PTPRQ: variants seen among roughly 807,000 people sequenced by gnomAD.
PTPRQ encodes protein tyrosine phosphatase receptor type Q.
Under a neutral mutation model 246.0 loss-of-function variants are expected in PTPRQ, and 199 were observed. The ratio of observed to expected loss-of-function variants is 0.81; its 90% CI spans 0.72 to 0.91. The LOEUF (loss-of-function observed/expected upper bound fraction) is 0.91, where lower values mean the gene tolerates loss of function less well. Ranked by LOEUF, PTPRQ falls within the 40% of genes least tolerant of loss-of-function variation. The pLI is 0.00. For missense variants in PTPRQ, 2,624 were observed against 2,528.4 expected, an observed-to-expected ratio of 1.04 and a Z score of -0.81; for synonymous variants, 869 against 853.2, an observed-to-expected ratio of 1.02 and a Z score of -0.32.
chr12:80,586,673 C>T (rs986161015), intron 25 of PTPRQ: 5 of 152,146 alleles, frequency 3.3e-5, no homozygotes, highest in Non-Finnish European at 7.3e-5. Flanking sequence ...TCTTCTTTTT[C>T]TCCGCAACTC....
Position 80,658,054 on chromosome 12 carries a change from A to G in PTPRQ, c.6185A>G (p.Tyr2062Cys), listed in dbSNP as rs2121249419. The change falls in exon 39 of 45, where the codon TAT becomes TGT. Residue 2062 changes from tyrosine (Y) to cysteine (C), a missense_variant. Coordinates refer to ENST00000644991, the MANE Select transcript of PTPRQ (RefSeq NM_001145026.2). ...GGTTCGGATTATATTAATGCCAGCT[A>G]TATTTCTGTAAGTTACTATTTTATA... ...VPGSDYINAS[Y>C]ISGYLCPNEF... 1 of 1,386,516 alleles carries G rather than the reference A, an allele frequency of 7.2e-7. No individual in the cohort carries two copies. The highest frequency in any genetic ancestry group is 9.5e-7 in the Non-Finnish European group (1 of 1,056,230). 85.9% of individuals were successfully genotyped at this position (1,386,516 alleles called of 1,614,324 possible). A position where few individuals can be genotyped will look rare whatever the true frequency, so the allele number is the denominator to read the frequency against.
At chr12:80,675,789 G>A (rs1177963216) in intron 43 of PTPRQ, among the ~76,000 whole-genome samples, 4 of 152,142 alleles carry the variant, frequency 2.6e-5, no homozygotes, top group African/African-American at 9.7e-5. Flanking sequence ...ATTTAGGGGT[G>A]GGGCAGGGAT....
At chr12:80,557,284 G>A (rs1896672406) in intron 25 of PTPRQ, among the ~76,000 whole-genome samples, 1 of 151,740 alleles carries the variant, frequency 6.6e-6, no homozygotes. Context: ...GCCCTTGAAC[G>A]TCCTTCCTCC....
intron 25 of PTPRQ, among the ~76,000 whole-genome samples, chr12:80,566,072 C>G (rs987584839): frequency 6.6e-6 from 1 of 152,070 alleles, no homozygotes; most frequent in African/African-American, 2.4e-5. Flanking sequence ...GTCTAGATAC[C>G]TTTTTATGCA....
At chr12:80,582,028 C>CTCGT (rs1256098156) in intron 25 of PTPRQ, among the ~76,000 whole-genome samples, 2 of 152,094 alleles carry the variant, frequency 1.3e-5, no homozygotes, top group African/African-American at 4.8e-5. Flanking sequence ...TATGTTTTAC[C>CTCGT]TAGCAACGAT....
chr12:80,603,496 C>T (rs1351132345), intron 26 of PTPRQ, among the ~76,000 whole-genome samples: 1 of 151,622 alleles, frequency 6.6e-6, no homozygotes, highest in African/African-American at 2.4e-5. Flanking sequence ...ATACTGGTCT[C>T]TCTGTGATAG....
chr12:80,460,516 C>T, intron 5 of PTPRQ, 137 bp from the exon 6 acceptor site: 1 of 392,228 alleles, frequency 2.5e-6, no homozygotes, highest in East Asian at 3.6e-5. Context: ...TAAAATCTAG[C>T]AAATTTGTCT....
chr12:80,498,175 T>A (rs899606652), intron 14 of PTPRQ, among the ~76,000 whole-genome samples: 1 of 152,052 alleles, frequency 6.6e-6, no homozygotes, highest in Non-Finnish European at 1.5e-5. Context: ...GAAATAAGTA[T>A]TTTTGAGAAA....
intron 32 of PTPRQ, among the ~76,000 whole-genome samples, chr12:80,621,446 T>G (rs1023230732): frequency 6.6e-6 from 1 of 151,960 alleles, no homozygotes; most frequent in African/African-American, 2.4e-5. Context: ...CCCTTGTGCC[T>G]TTATTTTTAA....
Position 80,542,767 on chromosome 12 carries a change from C to G in PTPRQ, c.3759C>G (p.Asn1253Lys). The change falls in exon 23 of 45, where the codon AAC becomes AAG. Residue 1253 changes from asparagine (N) to lysine (K), a missense_variant. Transcript: ENST00000644991. Reference sequence around the variant, plus strand: ...CTCCACAAAATTTGACTTTAATCAACTGTACTTCAGACTTTGTATGGCTGA... The same window carrying G: ...CTCCACAAAATTTGACTTTAATCAAGTGTACTTCAGACTTTGTATGGCTGA... The part of the protein sequence containing the change: ...LAPPQNLTLI[N>K]CTSDFVWLKW... 1 of 1,548,958 alleles carries G rather than the reference C, an allele frequency of 6.5e-7. No individual in the cohort carries two copies. The highest frequency in any genetic ancestry group is 8.7e-7 in the Non-Finnish European group (1 of 1,145,932).
At position 80,484,428 on chromosome 12, in the gene PTPRQ, C is replaced by G. The variant is rs1164651281; in HGVS notation, c.1187-5C>G. The G allele has an allele frequency of 6.6e-7, 1 of 1,507,272 alleles. No homozygotes were observed. Among genetic ancestry groups the G allele is most frequent in the South Asian group, 1.3e-5 (1 of 76,224 alleles). The allele number at this position is 1,507,272 out of a possible 1,614,324, so 93.4% of individuals were successfully genotyped here. A position where few individuals can be genotyped will look rare whatever the true frequency, so the allele number is the denominator to read the frequency against. Reference sequence around the variant, plus strand: ...TTTTCTTTTCTTTCTTTCTTTCTTTCTTAGTTCCAGGGGCAGTGTTTGATT... The same window carrying G: ...TTTTCTTTTCTTTCTTTCTTTCTTTGTTAGTTCCAGGGGCAGTGTTTGATT... On this transcript the variant is annotated splice_polypyrimidine_tract_variant and splice_region_variant and intron_variant, in intron 8 of 44. Coordinates refer to ENST00000644991, the MANE Select transcript of PTPRQ (RefSeq NM_001145026.2).
intron 39 of PTPRQ, among the ~76,000 whole-genome samples, chr12:80,666,803 C>A (rs1385553997): frequency 6.7e-6 from 1 of 149,400 alleles, no homozygotes; most frequent in East Asian, 2.1e-4. Context: ...CATATCAAAT[C>A]TATTAGCAAA....
intron 3 of PTPRQ, among the ~76,000 whole-genome samples, chr12:80,450,654 G>A (rs980948914): frequency 6.6e-6 from 1 of 152,092 alleles, no homozygotes; most frequent in African/African-American, 2.4e-5. Context: ...TTTTGTCTTT[G>A]ATTTTGTTTA....
intron 27 of PTPRQ, among the ~76,000 whole-genome samples, chr12:80,607,040 T>TGA (rs1182330253): frequency 1.3e-5 from 2 of 150,980 alleles, no homozygotes; most frequent in Non-Finnish European, 3.0e-5. Flanking sequence ...AGTTTCAAAG[T>TGA]GAGCAAGGGA....
intron 17 of PTPRQ, among the ~76,000 whole-genome samples, chr12:80,523,228 A>G (rs1449849829): frequency 6.6e-6 from 1 of 151,782 alleles, no homozygotes; most frequent in Non-Finnish European, 1.5e-5. Context: ...AGCATTTTTT[A>G]TTGCGTCTAT....
intron 35 of PTPRQ, among the ~76,000 whole-genome samples, chr12:80,641,946 CTTCTT>C (rs1269094846): frequency 6.6e-6 from 1 of 150,386 alleles, no homozygotes; most frequent in Non-Finnish European, 1.5e-5. Context: ...TTTTCTTTCT[CTTCTT>C]TCTCTTTTTT....
In PTPRQ at chr12:80,605,078, A is replaced by C. The variant is rs139474037; in HGVS notation, c.4629A>C (p.Glu1543Asp). Residue 1543 changes from glutamate (E) to aspartate (D), a missense_variant, in exon 27 of 45, where the codon GAA (glutamate) becomes GAC (aspartate). Physicochemically the swap from Glu to Asp is conservative, Grantham distance 45 (BLOSUM62 2). Transcript: ENST00000644991. ...TLPGPPDGPP[E>D]NVHVVATSPF... is the part of the protein sequence containing the mutation. The stretch of plus-strand genomic sequence containing the variant: ...TCATAGCTCCAGATGGTCCTCCTGA[A>C]AATGTTCATGTAGTAGCAACATCAC... 425 of 1,542,544 alleles carry C rather than the reference A, an allele frequency of 2.8e-4. 1 individual carries two copies. In the African/African-American group the frequency reaches 4.8e-3, roughly 18 times the overall value.
chr12:80,620,281 A>G lies in PTPRQ; in HGVS notation c.5517A>G (p.Glu1839=), dbSNP rs986479491. The G allele has an allele frequency of 5.4e-5, 83 of 1,549,510 alleles. No homozygotes were observed. Among genetic ancestry groups the G allele is most frequent in the Non-Finnish European group, 6.5e-5 (75 of 1,145,588 alleles). ...TEGKTKFSGN[E]EIYIIGADNA... The stretch of plus-strand genomic sequence containing the variant: ...GAAAGACAAAGTTTAGTGGCAATGA[A>G]GAAATCTACATCATAGGTGCTGATA... Residue 1839 remains glutamate (E), a synonymous_variant, in exon 32 of 45, where the codon GAA becomes GAG. Transcript: ENST00000644991.
intron 29 of PTPRQ, among the ~76,000 whole-genome samples, chr12:80,615,178 A>G (rs1041048389): frequency 6.6e-6 from 1 of 150,966 alleles, no homozygotes; most frequent in African/African-American, 2.4e-5. Flanking sequence ...ATACTATAAC[A>G]TACGTTTTTT....
Sources: gnomAD v4.1 joint callset for allele counts (sites outside exome capture counted in the v4.1 genomes callset) on GRCh38, gnomAD v4.1.1 for gene constraint, MANE v1.5 for transcripts, NCBI Gene and HGNC (gene_info 2026-07-23, HGNC 2026-07-21) for gene names.